ODF2L: variants seen among roughly 807,000 people sequenced by gnomAD.
The protein encoded by ODF2L is outer dense fiber of sperm tails 2 like.
A neutral mutation model predicts 86.3 loss-of-function variants in ODF2L; 76 were observed. The ratio of observed to expected loss-of-function variants is 0.88; its 90% confidence interval spans 0.73 to 1.07. The LOEUF (loss-of-function observed/expected upper bound fraction) is 1.07. Ranked by LOEUF, ODF2L falls within the 50% of genes least tolerant of loss-of-function variation. ODF2L has a pLI of 0.00. For missense variants in ODF2L, 748 were observed against 717.4 expected, an observed-to-expected ratio of 1.04 and a Z score of -0.49; for synonymous variants, 241 against 231.3, an observed-to-expected ratio of 1.04 and a Z score of -0.38.
chr1:86,382,125 C>A, intron 7 of ODF2L, 117 bp downstream of exon 7: 1 of 1,276,918 alleles, frequency 7.8e-7, no homozygotes, highest in Non-Finnish European at 1.0e-6. Context: ...TATGTATTTC[C>A]CATGTCAACA....
chr1:86,377,519 G>GT (rs1171829223), intron 7 of ODF2L, among the ~76,000 whole-genome samples: 4 of 152,172 alleles, frequency 2.6e-5, no homozygotes, highest in African/African-American at 9.7e-5. Flanking sequence ...CCCAGCAGAG[G>GT]TTCCCCATAA....
intron 11 of ODF2L, among the ~76,000 whole-genome samples, chr1:86,366,638 T>C (rs1175998596): frequency 1.3e-5 from 2 of 148,400 alleles, no homozygotes; most frequent in African/African-American, 4.9e-5. Flanking sequence ...AAACAATAAA[T>C]TGAAACACTG....
chr1:86,353,444 G>A (rs1479182627), intron 16 of ODF2L, among the ~76,000 whole-genome samples: 1 of 152,092 alleles, frequency 6.6e-6, no homozygotes, highest in East Asian at 1.9e-4. Flanking sequence ...ACAGAGACTG[G>A]TTCTTCATTC....
chr1:86,371,371 T>C (rs1405146957), intron 9 of ODF2L, among the ~76,000 whole-genome samples: 1 of 152,142 alleles, frequency 6.6e-6, no homozygotes, highest in African/African-American at 2.4e-5. Flanking sequence ...TGCCCACTGA[T>C]GATACCAACA....
chr1:86,373,303 T>A (rs528718468), intron 8 of ODF2L, among the ~76,000 whole-genome samples: 1 of 151,044 alleles, frequency 6.6e-6, no homozygotes, highest in East Asian at 1.9e-4. Context: ...TTTTACTTTT[T>A]TTTTTTTTTG....
intron 5 of ODF2L, 64 bp downstream of exon 5, chr1:86,383,070 C>T (rs1660696652): frequency 7.7e-7 from 1 of 1,298,984 alleles, no homozygotes; most frequent in African/African-American, 1.5e-5. Flanking sequence ...CTTTATAAAA[C>T]CAAGCAGCAT....
exon 3 of ODF2L, chr1:86,385,562 T>A: frequency 6.2e-7 from 1 of 1,611,746 alleles, no homozygotes; most frequent in Non-Finnish European, 8.5e-7. Context: ...TCCAATTCAG[T>A]CTTTTCATTT....
rs77069573 is a variant in ODF2L at position 86,382,145 on chromosome 1, T to C, written c.624+97A>G. On this transcript the variant is annotated intron_variant, in intron 7 of 17. Transcript: ENST00000317336. The stretch of plus-strand genomic sequence containing the variant: ...ATTTCCCATGTCAACAACTGTGTAT[T>C]TTAAAACCACCAAATTCTAGAACTA... The C allele has an allele frequency of 9.2e-3, 12,865 of 1,392,630 alleles. 564 individuals carry two copies. The East Asian group carries it at 0.13, about 14-fold the overall frequency. The allele number at this position is 1,392,630 out of a possible 1,614,324, so 86.3% of individuals were successfully genotyped here.
At chr1:86,384,284 A>G (rs1660781817) in intron 4 of ODF2L, among the ~76,000 whole-genome samples, 1 of 151,816 alleles carries the variant, frequency 6.6e-6, no homozygotes, top group Non-Finnish European at 1.5e-5. Context: ...TGTGAATACA[A>G]TGAAAACCAC....
At chr1:86,368,547 A>T in intron 11 of ODF2L, 1 of 1,197,198 alleles carries the variant, frequency 8.4e-7, no homozygotes, top group Non-Finnish European at 1.1e-6. Flanking sequence ...TTACCTGCCA[A>T]ATTAGCAAAC....
At chr1:86,348,751 T>C (rs775665581), downstream of ODF2L, 6 of 1,479,490 alleles carry the variant, frequency 4.1e-6, no homozygotes, top group Non-Finnish European at 5.4e-6. Flanking sequence ...TTTGACAATT[T>C]ATTCAAACAT....
intron 4 of ODF2L, among the ~76,000 whole-genome samples, 195 bp downstream of exon 4, chr1:86,384,477 TAAAA>T (rs1419730016): frequency 2.7e-5 from 2 of 73,284 alleles, no homozygotes; most frequent in African/African-American, 8.5e-5. Flanking sequence ...AGATGAAAAA[TAAAA>T]ATACATTTTC....
chr1:86,363,580 G>C (rs556754047), intron 11 of ODF2L, among the ~76,000 whole-genome samples: 9 of 151,706 alleles, frequency 5.9e-5, no homozygotes, highest in Non-Finnish European at 1.2e-4. Flanking sequence ...TATATCCTAA[G>C]AAAACAGATA....
downstream of ODF2L, chr1:86,348,004 G>GT (rs1407412742): frequency 6.6e-6 from 1 of 152,104 alleles, no homozygotes; most frequent in East Asian, 1.9e-4. Context: ...GGGATAAGCT[G>GT]TTCCCCTTTA....
chr1:86,354,091 A>G (rs1458598057), intron 16 of ODF2L, among the ~76,000 whole-genome samples: 2 of 152,232 alleles, frequency 1.3e-5, no homozygotes, highest in African/African-American at 4.8e-5. Context: ...AGATTGCCTG[A>G]TACTGAAGTA....
intron 11 of ODF2L, among the ~76,000 whole-genome samples, chr1:86,367,555 G>GAA (rs560579612): frequency 6.5e-5 from 8 of 122,434 alleles, no homozygotes; most frequent in African/African-American, 2.4e-4. Context: ...TTCAAGAAGG[G>GAA]AAAAAAAAAA....
chr1:86,394,098 T>C (rs1385566402), intron 1 of ODF2L, among the ~76,000 whole-genome samples: 2 of 152,170 alleles, frequency 1.3e-5, no homozygotes, highest in Non-Finnish European at 2.9e-5. Flanking sequence ...ATAAACATCA[T>C]CTCACAAAAG....
At chr1:86,395,401 T>C (rs985386725) in intron 1 of ODF2L, among the ~76,000 whole-genome samples, 13 of 152,118 alleles carry the variant, frequency 8.5e-5, no homozygotes, top group Admixed American at 8.5e-4. Context: ...AAAGTGATGA[T>C]TACTGTTACA....
At chr1:86,347,146 C>T (rs576683062), downstream of ODF2L, 1 of 152,310 alleles carries the variant, frequency 6.6e-6, no homozygotes, top group South Asian at 2.1e-4. Flanking sequence ...ATTTAAATGC[C>T]AACTTTAAAC....
Sources: allele counts gnomAD v4.1 joint callset (sites outside exome capture counted in the v4.1 genomes callset), GRCh38; gene constraint gnomAD v4.1.1; transcripts MANE v1.5; gene names NCBI Gene and HGNC (gene_info 2026-07-23, HGNC 2026-07-21).